Variants in DIP2C observed in about 807,000 individuals in gnomAD.
DIP2C encodes DIP2 acetate--CoA ligase C (putative).
A neutral mutation model predicts 192.4 loss-of-function variants in DIP2C; 33 were observed. That is an observed-to-expected ratio of 0.17 (90% confidence interval 0.13 to 0.23). The LOEUF (loss-of-function observed/expected upper bound fraction) is 0.23, where lower values mean the gene tolerates loss of function less well. Ranked by LOEUF, DIP2C falls within the 10% of genes least tolerant of loss-of-function variation. DIP2C has a pLI of 1.00. For synonymous variants in DIP2C, 979 were observed against 864.1 expected (o/e 1.13, Z -2.33); for missense variants, 1,537 against 2,110.1 (o/e 0.73, Z 5.32).
rs114392880 is a variant in DIP2C at position 555,604 on chromosome 10, G to A, written c.86-69074C>T. 5.3e-3 allele frequency among the ~76,000 whole-genome samples: 805 copies of A among 152,286 alleles called. 9 individuals are homozygous for A. The highest frequency in any genetic ancestry group is 0.018 in the African/African-American group (754 of 41,550). On this transcript the variant is annotated intron_variant, in intron 1 of 36. Coordinates refer to ENST00000280886, the MANE Select transcript of DIP2C (RefSeq NM_014974.3). ...ATATTTAGGAAACTCAGGTGATCCT[G>A]TTGAGCCGTGTCTCTCAGGGTATCT...
chr10:341,050 G>A (rs1034396955), intron 29 of DIP2C, 149 bp downstream of exon 29: 2 of 1,116,570 alleles, frequency 1.8e-6, no homozygotes, highest in Non-Finnish European at 2.7e-6. Context: ...AGTCCACCAG[G>A]AGAAGTAGAG....
At chr10:385,795 G>T (rs975063259) in intron 14 of DIP2C, among the ~76,000 whole-genome samples, 1 of 152,132 alleles carries the variant, frequency 6.6e-6, no homozygotes, top group Non-Finnish European at 1.5e-5. Context: ...AGGCTACGGG[G>T]TGGGGGCAGA....
At chr10:535,046 G>A (rs1847621360) in intron 1 of DIP2C, among the ~76,000 whole-genome samples, 1 of 152,202 alleles carries the variant, frequency 6.6e-6, no homozygotes, top group Admixed American at 6.5e-5. Context: ...GTCAGCCTGG[G>A]TTGAGGGGAG....
rs577321849 is a variant in DIP2C, at chr10:416,794, C to T, written c.740-906G>A. Among the ~76,000 whole-genome samples, 314 of 152,240 alleles carry T rather than the reference C, an allele frequency of 2.1e-3. 3 individuals are homozygous for T. The highest frequency in any genetic ancestry group is 6.8e-3 in the African/African-American group (281 of 41,534). Reference sequence around the variant, plus strand: ...TCCTCCTCAGGCACACGCTGCAGGCCGGCAGGACCTGGGAAACCATCACCC... The same window carrying T: ...TCCTCCTCAGGCACACGCTGCAGGCTGGCAGGACCTGGGAAACCATCACCC... On this transcript the variant is annotated intron_variant, in intron 6 of 36. Coordinates refer to ENST00000280886, the MANE Select transcript of DIP2C (RefSeq NM_014974.3).
At chr10:584,125 ACTT>A (rs1348728840) in intron 1 of DIP2C, among the ~76,000 whole-genome samples, 54 of 152,208 alleles carry the variant, frequency 3.5e-4, no homozygotes, top group Middle Eastern at 6.8e-3. Flanking sequence ...GGCTGAGACT[ACTT>A]CTAAATCCTG....
Position 441,292 on chromosome 10 carries a change from T to C in DIP2C, c.269-296A>G, listed in dbSNP as rs76150365. The C allele has an allele frequency of 1.6e-3, 501 of 317,986 alleles. 11 individuals are homozygous for C. Among genetic ancestry groups the C allele is most frequent in the South Asian group, 0.014 (340 of 23,744 alleles). The allele number at this position is 317,986 out of a possible 1,614,324, so 19.7% of individuals were successfully genotyped here. ...GAATGGACCTTGATCTTTGGAGATC[T>C]CTTTGTAGGTCACACGTTCGAGCCT... On this transcript the variant is annotated intron_variant, in intron 3 of 36. Transcript: ENST00000280886.
At chr10:584,667 A>G (rs55924385) in intron 1 of DIP2C, among the ~76,000 whole-genome samples, 28 of 62,342 alleles carry the variant, frequency 4.5e-4, no homozygotes, top group African/African-American at 1.5e-3. Flanking sequence ...CGGGGCCCGC[A>G]ACCTGACCCC....
chr10:443,956 T>G (rs1967944988), intron 3 of DIP2C, among the ~76,000 whole-genome samples: 1 of 152,218 alleles, frequency 6.6e-6, no homozygotes, highest in Admixed American at 6.5e-5. Context: ...TGCACTTTGA[T>G]AAGTGGAAAT....
chr10:274,273 AATT>A lies in DIP2C; in HGVS notation c.*3049_*3051del, dbSNP rs1392329721. The A allele has an allele frequency of 3.9e-5, 6 of 152,228 alleles. No individual in the cohort carries two copies. The highest frequency in any genetic ancestry group is 1.4e-4 in the African/African-American group (6 of 41,464). 9.4% of individuals were successfully genotyped at this position (152,228 alleles called of 1,614,324 possible). On this transcript the variant is annotated 3_prime_UTR_variant, in exon 37 of 37. Transcript: ENST00000280886. ...TTCACAAAACATTTGTTGCCATAGGAATTATTTTTAGCAATAAATGCCCACATC... is the reference window on the plus strand; with the variant it reads ...TTCACAAAACATTTGTTGCCATAGGAATTTTTAGCAATAAATGCCCACATC...
intron 1 of DIP2C, among the ~76,000 whole-genome samples, chr10:576,733 C>G (rs1489154508): frequency 6.6e-6 from 1 of 152,096 alleles, no homozygotes; most frequent in African/African-American, 2.4e-5. Context: ...CATGGCAAAA[C>G]CCCATCTCGA....
chr10:518,878 G>A (rs941076455), intron 1 of DIP2C, among the ~76,000 whole-genome samples: 2 of 152,192 alleles, frequency 1.3e-5, no homozygotes, highest in African/African-American at 4.8e-5. Flanking sequence ...TAAAGGAAAA[G>A]GAGGATCATT....
In DIP2C at chr10:414,002, G is replaced by T; in HGVS notation, c.968C>A (p.Ala323Glu). The T allele has an allele frequency of 6.2e-7, 1 of 1,614,128 alleles. No homozygotes were observed. The highest frequency in any genetic ancestry group is 2.2e-5 in the East Asian group (1 of 44,874). ...VTNWPPSLEA[A>E]LQRWGTISPK... The stretch of plus-strand genomic sequence containing the variant: ...CGAGATGGTGCCCCACCTCTGCAGT[G>T]CGGCCTCCAGCGACGGCGGCCAGTT... Residue 323 changes from alanine to glutamate, a missense_variant, in exon 8 of 37, where the codon GCA becomes GAA. Transcript: ENST00000280886.
At chr10:341,162 AT>A (rs371677994) in intron 29 of DIP2C, 36 bp downstream of exon 29, 19 of 1,612,030 alleles carry the variant, frequency 1.2e-5, no homozygotes, top group African/African-American at 4.0e-5. Flanking sequence ...AAGGTGCATG[AT>A]TTTTTTTAAT....
rs149187276 is a variant in DIP2C at position 514,714 on chromosome 10, C to T, written c.86-28184G>A. ...TCCTGAGGGACCTGGTCTTTCTGCA[C>T]GTCCCTGCTCCCTGCGTCCGGCTTG... On this transcript the variant is annotated intron_variant, in intron 1 of 36. Transcript: ENST00000280886. Among the ~76,000 whole-genome samples the T allele has an allele frequency of 3.3e-3, 504 of 152,214 alleles. 3 individuals carry two copies. Among genetic ancestry groups the T allele is most frequent in the African/African-American group, 0.011 (475 of 41,522 alleles).
At chr10:546,529 A>C (rs930103419) in intron 1 of DIP2C, among the ~76,000 whole-genome samples, 1 of 152,184 alleles carries the variant, frequency 6.6e-6, no homozygotes, top group African/African-American at 2.4e-5. Flanking sequence ...CATGCTATAT[A>C]CAGTTAGGAA....
intron 18 of DIP2C, 81 bp from the exon 19 acceptor site, chr10:366,492 G>A (rs1960229225): frequency 6.3e-7 from 1 of 1,588,170 alleles, no homozygotes. Context: ...ACGCGAATAT[G>A]AACGACACCA....
At chr10:572,408 G>A (rs1849879983) in intron 1 of DIP2C, among the ~76,000 whole-genome samples, 2 of 152,142 alleles carry the variant, frequency 1.3e-5, no homozygotes, top group Admixed American at 6.5e-5. Flanking sequence ...TTCCATCACG[G>A]GGTCCCCATT....
intron 14 of DIP2C, among the ~76,000 whole-genome samples, chr10:385,422 G>GA (rs2132909510): frequency 1.3e-5 from 2 of 152,318 alleles, no homozygotes; most frequent in South Asian, 4.1e-4. Context: ...TTTTTAAGAC[G>GA]AAACCTTTGG....
chr10:495,745 G>C (rs919436945), intron 1 of DIP2C, among the ~76,000 whole-genome samples: 1 of 146,440 alleles, frequency 6.8e-6, no homozygotes, highest in Non-Finnish European at 1.5e-5. Context: ...TCTCTTACTC[G>C]CAATACCCCA....
Sources: gnomAD v4.1 joint callset for allele counts (sites outside exome capture counted in the v4.1 genomes callset) on GRCh38, gnomAD v4.1.1 for gene constraint, MANE v1.5 for transcripts, NCBI Gene and HGNC (gene_info 2026-07-23, HGNC 2026-07-21) for gene names.